Variants in HS3ST5 observed in about 807,000 individuals in gnomAD.
The protein encoded by HS3ST5 is heparan sulfate glucosamine 3-O-sulfotransferase 5.
HS3ST5 carries 10 observed loss-of-function variants against 25.4 expected under a neutral mutation model. The observed-to-expected ratio is 0.39, with a 90% CI of 0.24 to 0.67. HS3ST5 has a LOEUF of 0.67. Ranked by LOEUF, HS3ST5 falls within the 30% of genes least tolerant of loss-of-function variation. The probability of loss-of-function intolerance (pLI) is 0.44; values close to 1 mark genes in which losing one functional copy is unlikely to be tolerated. For missense variants in HS3ST5, 324 were observed against 420.7 expected, an observed-to-expected ratio of 0.77 and a Z score of 2.01; for synonymous variants, 170 against 162.4, an observed-to-expected ratio of 1.05 and a Z score of -0.36.
At chr6:114,338,303 C>A (rs1039019926) in intron 1 of HS3ST5, among the ~76,000 whole-genome samples, 3 of 150,554 alleles carry the variant, frequency 2.0e-5, no homozygotes, top group Admixed American at 1.3e-4. Flanking sequence ...TATATACATA[C>A]ACATTGTGTA....
intron 1 of HS3ST5, among the ~76,000 whole-genome samples, chr6:114,245,593 A>G (rs775255137): frequency 1.3e-5 from 2 of 152,188 alleles, no homozygotes; most frequent in Admixed American, 6.5e-5. Flanking sequence ...GAGGACAGAT[A>G]CAGTCCTACA....
chr6:114,154,487 A>G (rs1778604894), intron 3 of HS3ST5, among the ~76,000 whole-genome samples: 1 of 152,108 alleles, frequency 6.6e-6, no homozygotes, highest in Non-Finnish European at 1.5e-5. Flanking sequence ...GCAAGACTCC[A>G]TGTCTGTTGT....
chr6:114,240,349 A>G (rs1321189107), intron 1 of HS3ST5, among the ~76,000 whole-genome samples: 1 of 151,690 alleles, frequency 6.6e-6, no homozygotes, highest in Non-Finnish European at 1.5e-5. Flanking sequence ...CTACTGCTTG[A>G]CTCTTTTCAA....
At chr6:114,209,581 G>C (rs186567548) in intron 2 of HS3ST5, among the ~76,000 whole-genome samples, 220 of 152,246 alleles carry the variant, frequency 1.4e-3, no homozygotes, top group African/African-American at 5.0e-3. Context: ...TTAATAAAAA[G>C]AAAGCCATTA....
intron 2 of HS3ST5, among the ~76,000 whole-genome samples, chr6:114,197,599 C>A: frequency 6.6e-6 from 1 of 151,966 alleles, no homozygotes; most frequent in East Asian, 1.9e-4. Flanking sequence ...AATATAGTAC[C>A]CAACAGGAAG....
intron 3 of HS3ST5, among the ~76,000 whole-genome samples, chr6:114,065,044 GT>G (rs1156340100): frequency 6.6e-6 from 1 of 152,150 alleles, no homozygotes; most frequent in Non-Finnish European, 1.5e-5. Flanking sequence ...TGAGCCTGTG[GT>G]TTTAACATAG....
intron 3 of HS3ST5, among the ~76,000 whole-genome samples, chr6:114,148,069 A>G (rs1231106808): frequency 6.6e-6 from 1 of 152,214 alleles, no homozygotes; most frequent in Non-Finnish European, 1.5e-5. Context: ...TTTTCTAGAC[A>G]TTATAAATTC....
intron 1 of HS3ST5, among the ~76,000 whole-genome samples, chr6:114,332,121 T>C (rs1026431723): frequency 6.6e-6 from 1 of 152,140 alleles, no homozygotes; most frequent in Non-Finnish European, 1.5e-5. Flanking sequence ...CTATAGACTA[T>C]TATTACAGAA....
chr6:114,194,181 C>A (rs1780633997), intron 2 of HS3ST5, among the ~76,000 whole-genome samples: 1 of 152,172 alleles, frequency 6.6e-6, no homozygotes, highest in Admixed American at 6.6e-5. Context: ...ACACAGATAT[C>A]TTTTGCATTG....
At position 114,321,817 on chromosome 6, in the gene HS3ST5, T is replaced by C. The variant is rs536723715; in HGVS notation, c.-339+20378A>G. Among the ~76,000 whole-genome samples the C allele has an allele frequency of 5.9e-5, 9 of 152,250 alleles. No individual in the cohort carries two copies. In the East Asian group the frequency reaches 1.4e-3, roughly 23 times the overall value. On this transcript the variant is annotated intron_variant, in intron 1 of 4. Coordinates refer to ENST00000312719, the MANE Select transcript of HS3ST5 (RefSeq NM_153612.4). ...TGACTGTTTATCTGATTTTTGGCATTTGTCTATATCCCGTGATAAAGGAAG... is the reference window on the plus strand; with the variant it reads ...TGACTGTTTATCTGATTTTTGGCATCTGTCTATATCCCGTGATAAAGGAAG...
chr6:114,263,085 G>C (rs1168250409), intron 1 of HS3ST5, among the ~76,000 whole-genome samples: 1 of 152,016 alleles, frequency 6.6e-6, no homozygotes, highest in Non-Finnish European at 1.5e-5. Flanking sequence ...CTGAAAATAA[G>C]GGATAGGGAA....
intron 2 of HS3ST5, among the ~76,000 whole-genome samples, chr6:114,221,911 A>T (rs1233772536): frequency 1.3e-5 from 2 of 151,930 alleles, no homozygotes; most frequent in African/African-American, 4.8e-5. Flanking sequence ...ATTTAAATTT[A>T]ATATTCTTCA....
At chr6:114,183,232 AG>A (rs1780050011) in intron 2 of HS3ST5, among the ~76,000 whole-genome samples, 1 of 152,182 alleles carries the variant, frequency 6.6e-6, no homozygotes, top group South Asian at 2.1e-4. Context: ...AAAGGGACAC[AG>A]TGGGAGCTAA....
At chr6:114,093,353 TTGTGTGTGTG>T (rs60927880) in intron 3 of HS3ST5, among the ~76,000 whole-genome samples, 2,272 of 134,290 alleles carry the variant, frequency 0.017, 41 homozygotes, top group African/African-American at 0.051. Context: ...GTTTGTTTGT[TTGTGTGTGTG>T]TGTGTGTGTG....
intron 1 of HS3ST5, among the ~76,000 whole-genome samples, chr6:114,273,588 G>A (rs1289832342): frequency 6.6e-6 from 1 of 152,062 alleles, no homozygotes; most frequent in Non-Finnish European, 1.5e-5. Context: ...ACAAGATGCA[G>A]AGAAAGAGCA....
intron 2 of HS3ST5, among the ~76,000 whole-genome samples, chr6:114,220,491 A>G (rs1363168241): frequency 6.6e-6 from 1 of 152,010 alleles, no homozygotes; most frequent in African/African-American, 2.4e-5. Context: ...AAGGACTCGG[A>G]GGAACCCAGG....
chr6:114,269,756 T>G (rs1315503192), intron 1 of HS3ST5, among the ~76,000 whole-genome samples: 1 of 152,212 alleles, frequency 6.6e-6, no homozygotes, highest in Non-Finnish European at 1.5e-5. Flanking sequence ...GGGGCTATTG[T>G]AGGTTCATTA....
At chr6:114,181,294 T>C (rs1379768667) in intron 2 of HS3ST5, among the ~76,000 whole-genome samples, 1 of 152,236 alleles carries the variant, frequency 6.6e-6, no homozygotes, top group Non-Finnish European at 1.5e-5. Flanking sequence ...TTTTAAGTTA[T>C]TGTTTTCCTG....
rs1057356283 is a variant in HS3ST5, at chr6:114,201,146, A to G, written c.-145+27439T>C. 2.0e-5 allele frequency among the ~76,000 whole-genome samples: 3 copies of G among 152,296 alleles called. No homozygotes were observed. The South Asian group carries it at 6.2e-4, about 32-fold the overall frequency. On this transcript the variant is annotated intron_variant, in intron 2 of 4. Coordinates refer to ENST00000312719, the MANE Select transcript of HS3ST5 (RefSeq NM_153612.4). ...GATGTCTAATAAAAATCCCAGCTTG[A>G]TATGTCCAGTACTAAATTTGATCTT...
Sources: allele counts gnomAD v4.1 joint callset (sites outside exome capture counted in the v4.1 genomes callset), GRCh38; gene constraint gnomAD v4.1.1; transcripts MANE v1.5; gene names NCBI Gene and HGNC (gene_info 2026-07-23, HGNC 2026-07-21).